Variants in GRAMD1B observed in about 807,000 individuals in gnomAD.
The protein encoded by GRAMD1B is protein Aster-B.
Under a neutral mutation model 99.7 loss-of-function variants are expected in GRAMD1B, and 37 were observed. That is an observed-to-expected ratio of 0.37 (90% confidence interval 0.29 to 0.49). GRAMD1B has a LOEUF of 0.49. GRAMD1B is among the 20% of genes least tolerant of loss of function. GRAMD1B has a pLI of 0.98. For synonymous variants in GRAMD1B, 427 were observed against 387.6 expected, an observed-to-expected ratio of 1.10 and a Z score of -1.19; for missense variants, 888 against 1,009.2, an observed-to-expected ratio of 0.88 and a Z score of 1.63.
intron 2 of GRAMD1B, among the ~76,000 whole-genome samples, chr11:123,485,610 A>G (rs1379661341): frequency 2.0e-5 from 3 of 152,100 alleles, no homozygotes; most frequent in Non-Finnish European, 4.4e-5. Flanking sequence ...TAGGAAATGG[A>G]GATTGTCTCA....
At chr11:123,408,201 A>T (rs2100200415) in intron 1 of GRAMD1B, among the ~76,000 whole-genome samples, 1 of 152,232 alleles carries the variant, frequency 6.6e-6, no homozygotes, top group Admixed American at 6.5e-5. Flanking sequence ...TTGTGGACTT[A>T]ACGCTTTCTC....
At chr11:123,447,503 G>A (rs904306591) in intron 1 of GRAMD1B, among the ~76,000 whole-genome samples, 5 of 152,152 alleles carry the variant, frequency 3.3e-5, no homozygotes, top group Admixed American at 3.3e-4. Flanking sequence ...GTGGGGACAG[G>A]GTGACAGTTT....
intron 8 of GRAMD1B, among the ~76,000 whole-genome samples, chr11:123,602,110 C>T (rs1029425005): frequency 6.6e-6 from 1 of 152,136 alleles, no homozygotes; most frequent in Admixed American, 6.5e-5. Context: ...GGAGGTGATA[C>T]CTCCCTCAGG....
intron 7 of GRAMD1B, chr11:123,598,670 G>A (rs527471252): frequency 4.1e-5 from 48 of 1,168,522 alleles, no homozygotes; most frequent in South Asian, 2.9e-4. Flanking sequence ...ATTTCAATCT[G>A]TCCAAACCCA....
intron 1 of GRAMD1B, among the ~76,000 whole-genome samples, chr11:123,469,776 T>TTCCTTCCTTCC (rs59192957): frequency 0.03 from 3,916 of 129,966 alleles, 243 homozygotes; most frequent in African/African-American, 0.11. Context: ...TTTCTCTTTC[T>TTCCTTCCTTCC]TTCCTTCCTT....
At chr11:123,615,678 G>T (rs12271748) in intron 17 of GRAMD1B, among the ~76,000 whole-genome samples, 1 of 152,252 alleles carries the variant, frequency 6.6e-6, no homozygotes, top group African/African-American at 2.4e-5. Flanking sequence ...CATTTCCAAA[G>T]AAGACATTAA....
At position 123,492,793 on chromosome 11, in the gene GRAMD1B, T is replaced by G. The variant is rs570448967; in HGVS notation, c.452+11900T>G. Among the ~76,000 whole-genome samples, 1 of 150,966 alleles carries G rather than the reference T, an allele frequency of 6.6e-6. No individual in the cohort carries two copies. The highest frequency in any genetic ancestry group is 2.1e-4 in the South Asian group (1 of 4,790). On this transcript the variant is annotated intron_variant, in intron 2 of 19. Transcript: ENST00000635736. The surrounding 1 kb of genome is among the most constrained non-coding windows in gnomAD (Gnocchi z 4.2). ...AGAGGGGCCAAATGGATTTCAGAGG[T>G]AGGGAGAGGCTAGAGGCAGTAGGTG... is the stretch of plus-strand genomic sequence containing the variant.
Position 123,394,558 on chromosome 11 carries a change from C to CTCT in GRAMD1B, c.-176+35764_-176+35766dup, listed in dbSNP as rs72156289. On this transcript the variant is annotated intron_variant, in intron 1 of 20. Transcript: ENST00000638157. Reference sequence around the variant, plus strand: ...TTCCCTTCTTTCTCCCATCTCTCTTCTCTTCTTTTCATTTTTCTTAGATAA... The same window carrying CTCT: ...TTCCCTTCTTTCTCCCATCTCTCTTCTCTTCTTCTTTTCATTTTTCTTAGATAA... 8.4e-3 allele frequency among the ~76,000 whole-genome samples: 1,220 copies of CTCT among 144,920 alleles called. 15 individuals carry two copies. Among genetic ancestry groups the CTCT allele is most frequent in the African/African-American group, 0.034 (1,164 of 34,730 alleles).
chr11:123,362,937 T>C (rs779170475), intron 1 of GRAMD1B, among the ~76,000 whole-genome samples: 28 of 149,654 alleles, frequency 1.9e-4, no homozygotes, highest in Non-Finnish European at 3.7e-4. Context: ...AAATGACACA[T>C]AGAAATGATG....
intron 1 of GRAMD1B, among the ~76,000 whole-genome samples, chr11:123,363,356 AT>A (rs1202438521): frequency 6.6e-6 from 1 of 152,214 alleles, no homozygotes; most frequent in African/African-American, 2.4e-5. Flanking sequence ...TTAGCATAAT[AT>A]TCTATTTAAT....
chr11:123,490,921 G>C (rs1938485852), intron 2 of GRAMD1B, among the ~76,000 whole-genome samples: 1 of 152,220 alleles, frequency 6.6e-6, no homozygotes, highest in Non-Finnish European at 1.5e-5. Flanking sequence ...TTTTCTCTGT[G>C]TGATAGAAAA....
intron 15 of GRAMD1B, 40 bp from the exon 16 acceptor site, chr11:123,613,415 C>A (rs368084901): frequency 3.8e-5 from 54 of 1,410,716 alleles, no homozygotes; most frequent in Non-Finnish European, 5.2e-5. Flanking sequence ...CATTGGAGGG[C>A]TGAAGGTGGC....
In GRAMD1B at chr11:123,622,831, C is replaced by A. The variant is rs1017679734; in HGVS notation, c.*236C>A. On this transcript the variant is annotated 3_prime_UTR_variant, in exon 20 of 20. Coordinates refer to ENST00000635736, the MANE Select transcript of GRAMD1B (RefSeq NM_001387025.1). ...CAGCTGAGGAGGGCAGGAACCGCCT[C>A]TCAGCACCGACCTCCCCTGATCTCC... is the stretch of plus-strand genomic sequence containing the variant. 3.6e-5 allele frequency: 6 copies of A among 164,582 alleles called. No individual in the cohort carries two copies. The highest frequency in any genetic ancestry group is 3.9e-5 in the Non-Finnish European group (3 of 77,044). 10.2% of individuals were successfully genotyped at this position (164,582 alleles called of 1,614,324 possible). A position where few individuals can be genotyped will look rare whatever the true frequency, so the allele number is the denominator to read the frequency against.
At chr11:123,464,246 G>A (rs574127950) in intron 1 of GRAMD1B, among the ~76,000 whole-genome samples, 8 of 152,134 alleles carry the variant, frequency 5.3e-5, no homozygotes, top group African/African-American at 1.9e-4. Context: ...GAAGACTGCA[G>A]TGAGCCATGT....
chr11:123,584,182 G>A (rs1266346305), intron 3 of GRAMD1B, 130 bp from the exon 4 acceptor site: 2 of 598,660 alleles, frequency 3.3e-6, no homozygotes. Flanking sequence ...CAACCACATG[G>A]GAAGCATTCA....
intron 1 of GRAMD1B, among the ~76,000 whole-genome samples, chr11:123,381,779 G>T (rs766255495): frequency 1.7e-4 from 26 of 152,072 alleles, no homozygotes; most frequent in Admixed American, 3.3e-4. Flanking sequence ...TCCCATACTT[G>T]AAAAAATTGC....
At chr11:123,364,642 A>G (rs1356580025) in intron 1 of GRAMD1B, among the ~76,000 whole-genome samples, 1 of 152,172 alleles carries the variant, frequency 6.6e-6, no homozygotes, top group East Asian at 1.9e-4. Context: ...AACTTCCTTT[A>G]CTATGTCATT....
chr11:123,581,965 A>G (rs889415772), intron 3 of GRAMD1B, among the ~76,000 whole-genome samples: 1 of 152,228 alleles, frequency 6.6e-6, no homozygotes, highest in Non-Finnish European at 1.5e-5. Flanking sequence ...CTGTCAGCCC[A>G]TGTTCCTGTT....
chr11:123,516,656 T>C (rs1941698447), intron 2 of GRAMD1B, among the ~76,000 whole-genome samples: 1 of 152,148 alleles, frequency 6.6e-6, no homozygotes, highest in African/African-American at 2.4e-5. Flanking sequence ...TCACCATTAC[T>C]CGTCTGTTGA....
Sources: gnomAD v4.1 joint callset for allele counts (sites outside exome capture counted in the v4.1 genomes callset) on GRCh38, gnomAD v4.1.1 for gene constraint, Gnocchi (gnomAD v3.1) non-coding constraint, MANE v1.5 for transcripts, NCBI Gene and HGNC (gene_info 2026-07-23, HGNC 2026-07-21) for gene names.